ZFX: variants seen among roughly 807,000 people sequenced by gnomAD.
The protein encoded by ZFX is zinc finger protein X-linked.
For synonymous variants in ZFX, 196 were observed against 226.8 expected (o/e 0.86, Z 1.22); for missense variants, 362 against 628.3 (o/e 0.58, Z 4.53).
chrX:24,201,740 G>T (rs1348762970), intron 5 of ZFX, among the ~76,000 whole-genome samples: 2 of 112,202 alleles, frequency 1.8e-5, no homozygotes, highest in Non-Finnish European at 3.8e-5. Flanking sequence ...TTGAAAAAGG[G>T]TAAGTACATA....
At chrX:24,170,571 CT>C (rs1934483467) in intron 3 of ZFX, among the ~76,000 whole-genome samples, 1 of 105,307 alleles carries the variant, frequency 9.5e-6, no homozygotes, top group African/African-American at 3.5e-5. Context: ...AGCATGTACA[CT>C]TTCTGTTTTT....
intron 5 of ZFX, among the ~76,000 whole-genome samples, chrX:24,201,570 A>T (rs1242750551): frequency 1.8e-5 from 2 of 112,280 alleles, no homozygotes; most frequent in Non-Finnish European, 3.8e-5. Context: ...TTTATCAACA[A>T]CATCAAACTG....
intron 1 of ZFX, chrX:24,150,738 GGCT>G (rs1159372620): frequency 1.8e-5 from 2 of 113,141 alleles, no homozygotes; most frequent in Non-Finnish European, 3.7e-5. Context: ...AATCATATGT[GGCT>G]GCTAAGGTGC....
intron 4 of ZFX, chrX:24,177,925 A>ATTT: frequency 9.4e-6 from 5 of 533,385 alleles, no homozygotes; most frequent in Non-Finnish European, 1.1e-5. Context: ...GCATTACTTA[A>ATTT]TTTTTTTTTT....
intron 5 of ZFX, among the ~76,000 whole-genome samples, chrX:24,202,969 C>G (rs891888305): frequency 8.9e-6 from 1 of 111,957 alleles, no homozygotes; most frequent in African/African-American, 3.2e-5. Context: ...CCAAGAGAAG[C>G]AAGCAAAGGG....
Position 24,179,705 on chromosome X carries a change from A to G in ZFX, c.581A>G (p.Asn194Ser), listed in dbSNP as rs61738363. The G allele has an allele frequency of 7.4e-4, 894 of 1,209,826 alleles. 3 individuals are homozygous for G. Among genetic ancestry groups the G allele is most frequent in the African/African-American group, 5.3e-3 (301 of 57,304 alleles). Residue 194 changes from asparagine (N) to serine (S), a missense_variant, in exon 5 of 10, where the codon AAT becomes AGT. Coordinates refer to ENST00000304543, the MANE Select transcript of ZFX (RefSeq NM_003410.4). The stretch of plus-strand genomic sequence containing the variant: ...GCCTCTGAAGCAGTCATAGATGCCA[A>G]TGGGATCCCTGTGGACCAGCAGGAT... ...DCASEAVIDA[N>S]GIPVDQQDDD...
rs371615065 is a variant in ZFX, at chrX:24,195,415, C to T, written c.647-11911C>T. On this transcript the variant is annotated intron_variant, in intron 5 of 9. Coordinates refer to ENST00000304543, the MANE Select transcript of ZFX (RefSeq NM_003410.4). ...TTGCCCAGGCTGGAGTGCAGTGGCGCGATCTCGGCTCACTGCAAGCTCCGC... is the reference window on the plus strand; with the variant it reads ...TTGCCCAGGCTGGAGTGCAGTGGCGTGATCTCGGCTCACTGCAAGCTCCGC... Among the ~76,000 whole-genome samples the T allele has an allele frequency of 6.5e-5, 7 of 107,738 alleles. No homozygotes were observed. In the East Asian group the frequency reaches 8.8e-4, roughly 14 times the overall value. The allele number at this position is 107,738 out of a possible 115,157, so 93.6% of individuals were successfully genotyped here. A position where few individuals can be genotyped will look rare whatever the true frequency, so the allele number is the denominator to read the frequency against.
intron 5 of ZFX, among the ~76,000 whole-genome samples, chrX:24,201,366 A>G (rs1937282914): frequency 8.9e-6 from 1 of 112,858 alleles, no homozygotes. Context: ...TCCAAGTTAC[A>G]GGTAAAACCA....
At chrX:24,195,687 C>T (rs560157029) in intron 5 of ZFX, among the ~76,000 whole-genome samples, 4 of 111,331 alleles carry the variant, frequency 3.6e-5, no homozygotes, top group East Asian at 2.8e-4. Flanking sequence ...CTAGTAGAGA[C>T]GTTTCACGAT....
At chrX:24,159,468 A>G (rs1933036562) in intron 3 of ZFX, among the ~76,000 whole-genome samples, 1 of 110,400 alleles carries the variant, frequency 9.1e-6, no homozygotes. Flanking sequence ...TTTAATAGAG[A>G]CAATCTGTTT....
chrX:24,180,950 G>A (rs1036799443), intron 5 of ZFX, among the ~76,000 whole-genome samples: 6 of 111,975 alleles, frequency 5.4e-5, no homozygotes, highest in Admixed American at 3.8e-4. Flanking sequence ...TACCAATTTC[G>A]GAGATAAAAT....
chrX:24,162,672 TA>T (rs1454602541), intron 3 of ZFX, among the ~76,000 whole-genome samples: 1 of 112,382 alleles, frequency 8.9e-6, no homozygotes, highest in Non-Finnish European at 1.9e-5. Context: ...TAAGATTGCA[TA>T]TACTTGAGTA....
At chrX:24,166,739 C>G (rs1287989147) in intron 3 of ZFX, among the ~76,000 whole-genome samples, 3 of 111,546 alleles carry the variant, frequency 2.7e-5, no homozygotes, top group Non-Finnish European at 5.7e-5. Context: ...TTTTTTCTTC[C>G]TTCTAAAATC....
intron 3 of ZFX, among the ~76,000 whole-genome samples, chrX:24,162,167 G>A (rs2147333217): frequency 8.9e-6 from 1 of 111,749 alleles, no homozygotes; most frequent in South Asian, 3.7e-4. Flanking sequence ...GGCAGAGGTT[G>A]TGGTGAGCTG....
chrX:24,181,977 C>A (rs1935725392), intron 5 of ZFX, among the ~76,000 whole-genome samples: 1 of 110,917 alleles, frequency 9.0e-6, no homozygotes, highest in South Asian at 3.8e-4. Context: ...GTAAAGGGGA[C>A]AGAGAGGTAG....
rs771361963 is a variant in ZFX, at chrX:24,215,921, CTG to C, written c.*4547_*4548del. ...ATAACCATTTTGCCACATTCTGTAACTGTTTAGCTAAGGTCAAATTAAGTTTA... is the reference window on the plus strand; with the variant it reads ...ATAACCATTTTGCCACATTCTGTAACTTTAGCTAAGGTCAAATTAAGTTTA... On this transcript the variant is annotated 3_prime_UTR_variant, in exon 10 of 10. Transcript: ENST00000304543. 1.1e-3 allele frequency: 125 copies of C among 111,090 alleles called. No homozygotes were observed. The highest frequency in any genetic ancestry group is 4.1e-3 in the African/African-American group (125 of 30,563). 9.2% of individuals were successfully genotyped at this position (111,090 alleles called of 1,213,427 possible).
chrX:24,173,752 T>G, intron 4 of ZFX: 2 of 449,932 alleles, frequency 4.4e-6, no homozygotes, highest in Non-Finnish European at 7.5e-6. Flanking sequence ...GGCTAACTTT[T>G]GTATTTTTTT....
In ZFX at chrX:24,188,653, C is replaced by T. The variant is rs767538126; in HGVS notation, c.646+8883C>T. The stretch of plus-strand genomic sequence containing the variant: ...ATAGACGCCTGCTTTACTTTTTGGA[C>T]GTGGGAAGCTGTTAAAGGATTTTAG... On this transcript the variant is annotated intron_variant, in intron 5 of 9. Coordinates refer to ENST00000304543, the MANE Select transcript of ZFX (RefSeq NM_003410.4). Among the ~76,000 whole-genome samples the T allele has an allele frequency of 3.6e-5, 4 of 110,941 alleles. No individual in the cohort carries two copies. In the East Asian group the frequency reaches 8.4e-4, roughly 23 times the overall value.
Position 24,213,281 on chromosome X carries a change from A to G in ZFX, c.*1905A>G, listed in dbSNP as rs1938230685. 8.9e-6 allele frequency: 1 copy of G among 112,110 alleles called. No homozygotes were observed. The highest frequency in any genetic ancestry group is 1.9e-5 in the Non-Finnish European group (1 of 53,167). 9.2% of individuals were successfully genotyped at this position (112,110 alleles called of 1,213,427 possible). On this transcript the variant is annotated 3_prime_UTR_variant, in exon 10 of 10. Transcript: ENST00000304543. ...TTAGAACTTGGTTATGTTAAGACGAATCTGGGAGAACAGAAAACAGTTTTT... is the reference window on the plus strand; with the variant it reads ...TTAGAACTTGGTTATGTTAAGACGAGTCTGGGAGAACAGAAAACAGTTTTT...
Sources: allele counts gnomAD v4.1 joint callset (sites outside exome capture counted in the v4.1 genomes callset), GRCh38; gene constraint gnomAD v4.1.1; transcripts MANE v1.5; gene names NCBI Gene and HGNC (gene_info 2026-07-23, HGNC 2026-07-21).